Variants in PPP2R2C observed in about 807,000 individuals in gnomAD.
The protein encoded by PPP2R2C is protein phosphatase 2, regulatory subunit B, gamma.
Under a neutral mutation model 45.3 loss-of-function variants are expected in PPP2R2C, and 10 were observed. The ratio of observed to expected loss-of-function variants is 0.22; its 90% confidence interval spans 0.14 to 0.37. The LOEUF (loss-of-function observed/expected upper bound fraction) is 0.37, where lower values mean the gene tolerates loss of function less well. Among genes scored for constraint, PPP2R2C ranks in the 10% least tolerant of loss-of-function variants. The probability of loss-of-function intolerance (pLI) is 1.00; values close to 1 mark genes in which losing one functional copy is unlikely to be tolerated. For synonymous variants in PPP2R2C, 257 were observed against 245.4 expected, an observed-to-expected ratio of 1.05 and a Z score of -0.44; for missense variants, 308 against 619.7, an observed-to-expected ratio of 0.50 and a Z score of 5.34.
intron 1 of PPP2R2C, among the ~76,000 whole-genome samples, chr4:6,409,093 G>T (rs556415420): frequency 2.6e-5 from 4 of 152,210 alleles, no homozygotes; most frequent in Non-Finnish European, 4.4e-5. Context: ...AAACAGCAGT[G>T]TGTGTTCCCT....
intron 1 of PPP2R2C, among the ~76,000 whole-genome samples, chr4:6,390,899 C>A (rs568503572): frequency 6.6e-6 from 1 of 152,230 alleles, no homozygotes; most frequent in Admixed American, 6.5e-5. Context: ...CCCCACCTTC[C>A]AGCGGGCCTG....
At chr4:6,436,341 A>G (rs560904031) in intron 1 of PPP2R2C, among the ~76,000 whole-genome samples, 11 of 152,298 alleles carry the variant, frequency 7.2e-5, no homozygotes, top group Admixed American at 5.9e-4. Flanking sequence ...AAGGTGTAGA[A>G]AATTCTGCTT....
intron 6 of PPP2R2C, among the ~76,000 whole-genome samples, chr4:6,337,118 A>G (rs1239903100): frequency 0.038 from 1,041 of 27,206 alleles, 31 homozygotes; most frequent in African/African-American, 0.15. Context: ...GTGTGTATAT[A>G]TATATATATA....
At chr4:6,473,088 G>A (rs1722001699), upstream of PPP2R2C, among the ~76,000 whole-genome samples, 1 of 152,094 alleles carries the variant, frequency 6.6e-6, no homozygotes, top group African/African-American at 2.4e-5. Context: ...GGAGCATTAA[G>A]TACATGTGAA....
chr4:6,530,180 C>T (rs1385745427), intron 2 of PPP2R2C, among the ~76,000 whole-genome samples: 1 of 152,132 alleles, frequency 6.6e-6, no homozygotes, highest in Non-Finnish European at 1.5e-5. Context: ...CGTCTTAAGC[C>T]GGGGTCCCGG....
chr4:6,460,204 T>C (rs1721253907), intron 1 of PPP2R2C, among the ~76,000 whole-genome samples: 1 of 152,202 alleles, frequency 6.6e-6, no homozygotes, highest in African/African-American at 2.4e-5. Context: ...CCTCAAAATG[T>C]GACTGTGTTT....
At chr4:6,327,379 TA>T (rs1460934613) in intron 8 of PPP2R2C, among the ~76,000 whole-genome samples, 1 of 152,124 alleles carries the variant, frequency 6.6e-6, no homozygotes, top group African/African-American at 2.4e-5. Context: ...AGCCCAGGCC[TA>T]GACACCACTG....
chr4:6,501,564 T>A (rs990518580), intron 2 of PPP2R2C, among the ~76,000 whole-genome samples: 2 of 152,112 alleles, frequency 1.3e-5, no homozygotes, highest in African/African-American at 4.8e-5. Context: ...CCATTAATCC[T>A]TGTAACACTT....
At chr4:6,528,714 G>A (rs1176649399) in intron 2 of PPP2R2C, among the ~76,000 whole-genome samples, 1 of 152,162 alleles carries the variant, frequency 6.6e-6, no homozygotes, top group Non-Finnish European at 1.5e-5. Context: ...CACAAAAGAA[G>A]TGAAAATGGC....
At chr4:6,500,092 C>T (rs1260084394) in intron 2 of PPP2R2C, among the ~76,000 whole-genome samples, 1 of 152,174 alleles carries the variant, frequency 6.6e-6, no homozygotes, top group Admixed American at 6.5e-5. Flanking sequence ...CCTAACAACA[C>T]CAGGTCCTTA....
Position 6,399,680 on chromosome 4 carries a change from G to A in PPP2R2C, c.71-18586C>T, listed in dbSNP as rs1717284108. Among the ~76,000 whole-genome samples, 2 of 152,360 alleles carry A rather than the reference G, an allele frequency of 1.3e-5. 1 individual carries two copies. The highest frequency in any genetic ancestry group is 4.1e-4 in the South Asian group (2 of 4,826). On this transcript the variant is annotated intron_variant, in intron 1 of 8. Transcript: ENST00000382599. ...CTGACCCTAGGAGAGGCCCAAGGCT[G>A]CCCACCTCCATGGAAGAAGCCTTTT...
intron 1 of PPP2R2C, among the ~76,000 whole-genome samples, chr4:6,548,458 C>T (rs879406686): frequency 3.3e-5 from 5 of 152,198 alleles, no homozygotes; most frequent in Non-Finnish European, 5.9e-5. Context: ...AACCCTTGTG[C>T]GTGACATCTG....
intron 2 of PPP2R2C, among the ~76,000 whole-genome samples, chr4:6,518,486 C>T (rs993398312): frequency 6.6e-6 from 1 of 152,186 alleles, no homozygotes; most frequent in African/African-American, 2.4e-5. Flanking sequence ...ATGCCATGGA[C>T]ATTCAAAGGA....
intron 5 of PPP2R2C, among the ~76,000 whole-genome samples, chr4:6,372,190 G>A (rs988264488): frequency 1.3e-5 from 2 of 152,208 alleles, no homozygotes; most frequent in Non-Finnish European, 2.9e-5. Flanking sequence ...CGCTGAGCAA[G>A]GCCAGCAGTC....
chr4:6,555,851 C>T (rs1315160059), intron 1 of PPP2R2C, among the ~76,000 whole-genome samples: 1 of 152,216 alleles, frequency 6.6e-6, no homozygotes, highest in Non-Finnish European at 1.5e-5. Context: ...TGCTGCCACA[C>T]CCAAAGTCAC....
intron 6 of PPP2R2C, among the ~76,000 whole-genome samples, chr4:6,341,150 T>C (rs550834559): frequency 2.6e-5 from 4 of 152,316 alleles, no homozygotes; most frequent in African/African-American, 9.6e-5. Flanking sequence ...GAGACCAGCC[T>C]GGCCAACATG....
intron 2 of PPP2R2C, among the ~76,000 whole-genome samples, chr4:6,489,074 G>C (rs1275361111): frequency 6.6e-6 from 1 of 152,276 alleles, no homozygotes; most frequent in African/African-American, 2.4e-5. Context: ...CAGCCACTTT[G>C]ATCTCCCCAG....
At chr4:6,387,032 T>C (rs141424093) in intron 1 of PPP2R2C, among the ~76,000 whole-genome samples, 4 of 152,206 alleles carry the variant, frequency 2.6e-5, no homozygotes, top group East Asian at 1.9e-4. Flanking sequence ...ATGATTTCAA[T>C]AGAAATTACC....
chr4:6,388,294 G>C (rs764359309), intron 1 of PPP2R2C, among the ~76,000 whole-genome samples: 1 of 152,174 alleles, frequency 6.6e-6, no homozygotes, highest in Non-Finnish European at 1.5e-5. Context: ...GTGAGAGGTG[G>C]TATCCCTAGT....
Sources: gnomAD v4.1 joint callset for allele counts (sites outside exome capture counted in the v4.1 genomes callset) on GRCh38, gnomAD v4.1.1 for gene constraint, MANE v1.5 for transcripts, NCBI Gene and HGNC (gene_info 2026-07-23, HGNC 2026-07-21) for gene names.